The following CCSER1 variants were observed in gnomAD, a reference collection of about 807,000 sequenced individuals.
CCSER1 encodes the protein serine-rich coiled-coil domain-containing protein 1.
Under a neutral mutation model 82.0 loss-of-function variants are expected in CCSER1, and 41 were observed. The ratio of observed to expected loss-of-function variants is 0.50; its 90% CI spans 0.39 to 0.65. The LOEUF (loss-of-function observed/expected upper bound fraction) is 0.65. Among genes scored for constraint, CCSER1 ranks in the 30% least tolerant of loss-of-function variants. The pLI is 0.00. For synonymous variants in CCSER1, 414 were observed against 383.9 expected, an observed-to-expected ratio of 1.08 and a Z score of -0.92; for missense variants, 1,119 against 1,064.2, an observed-to-expected ratio of 1.05 and a Z score of -0.72.
chr4:91,109,981 A>G (rs1725956674), intron 10 of CCSER1, among the ~76,000 whole-genome samples: 1 of 152,060 alleles, frequency 6.6e-6, no homozygotes, highest in Non-Finnish European at 1.5e-5. Flanking sequence ...AGTATATTAA[A>G]CTTTTTATAT....
intron 8 of CCSER1, among the ~76,000 whole-genome samples, chr4:90,889,554 C>T (rs563212748): frequency 4.9e-4 from 74 of 152,116 alleles, no homozygotes; most frequent in African/African-American, 1.7e-3. Flanking sequence ...AGGGAAACTG[C>T]TAGAGCAAAT....
chr4:90,577,348 G>A (rs1243446130), intron 5 of CCSER1, among the ~76,000 whole-genome samples: 1 of 152,066 alleles, frequency 6.6e-6, no homozygotes, highest in African/African-American at 2.4e-5. Flanking sequence ...ATGAGTGAGT[G>A]TCCCTGGATT....
chr4:90,722,317 C>G (rs558153474), intron 6 of CCSER1, among the ~76,000 whole-genome samples: 27 of 151,918 alleles, frequency 1.8e-4, no homozygotes, highest in African/African-American at 5.8e-4. Flanking sequence ...CTGTCACTTG[C>G]TTAAATTCTT....
intron 6 of CCSER1, among the ~76,000 whole-genome samples, chr4:90,693,013 A>G (rs761576745): frequency 5.9e-5 from 9 of 151,938 alleles, no homozygotes; most frequent in Admixed American, 1.3e-4. Flanking sequence ...AGAAAGACAC[A>G]CACAGTTCCA....
At chr4:90,265,651 T>C (rs2153450846) in intron 1 of CCSER1, among the ~76,000 whole-genome samples, 1 of 152,228 alleles carries the variant, frequency 6.6e-6, no homozygotes, top group South Asian at 2.1e-4. Flanking sequence ...CGTATTGTTC[T>C]GAATGTAACG....
At chr4:91,270,079 T>A (rs1481126386) in intron 10 of CCSER1, among the ~76,000 whole-genome samples, 1 of 152,230 alleles carries the variant, frequency 6.6e-6, no homozygotes, top group Non-Finnish European at 1.5e-5. Flanking sequence ...CAGCTCCAGA[T>A]GTAGCTAAGG....
At chr4:90,978,466 T>A (rs1397451322) in intron 9 of CCSER1, among the ~76,000 whole-genome samples, 2 of 151,664 alleles carry the variant, frequency 1.3e-5, no homozygotes, top group East Asian at 3.9e-4. Context: ...AAAATGTCTA[T>A]TATTTTCTTT....
intron 10 of CCSER1, among the ~76,000 whole-genome samples, chr4:91,441,178 TTTA>T (rs1452988833): frequency 6.6e-6 from 1 of 151,952 alleles, no homozygotes; most frequent in Non-Finnish European, 1.5e-5. Flanking sequence ...AAAAGAGAGT[TTTA>T]GACCAATATC....
Position 91,598,786 on chromosome 4 carries a change from A to G in CCSER1, c.2432A>G (p.Glu811Gly), listed in dbSNP as rs1361960500. 1 of 1,551,674 alleles carries G rather than the reference A, an allele frequency of 6.4e-7. No homozygotes were observed. Among genetic ancestry groups the G allele is most frequent in the South Asian group, 1.2e-5 (1 of 84,064 alleles). The change falls in exon 11 of 11, where the codon GAA becomes GGA. Residue 811 changes from glutamate (E) to glycine (G), a missense_variant. Physicochemically the swap from Glu to Gly is moderately conservative, Grantham distance 98. Transcript: ENST00000509176. ...EVIKHSRGTYETLTSDVTQNL... is the reference protein window; with the variant it reads ...EVIKHSRGTYGTLTSDVTQNL... ...ATCAAACATTCAAGAGGAACTTATGAAACCCTCACTTCAGACGTTACACAG... is the reference window on the plus strand; with the variant it reads ...ATCAAACATTCAAGAGGAACTTATGGAACCCTCACTTCAGACGTTACACAG...
At chr4:91,394,484 C>T (rs1341842715) in intron 10 of CCSER1, among the ~76,000 whole-genome samples, 2 of 151,956 alleles carry the variant, frequency 1.3e-5, no homozygotes, top group Non-Finnish European at 1.5e-5. Flanking sequence ...ATATCATAGA[C>T]TATTAATTAG....
chr4:90,298,326 G>A (rs1221366987), intron 1 of CCSER1, among the ~76,000 whole-genome samples: 1 of 152,006 alleles, frequency 6.6e-6, no homozygotes, highest in African/African-American at 2.4e-5. Flanking sequence ...ATTTCTGTGG[G>A]ATCGGTGGTG....
chr4:90,665,611 G>A (rs374665086), intron 6 of CCSER1, among the ~76,000 whole-genome samples: 57 of 152,248 alleles, frequency 3.7e-4, no homozygotes, highest in African/African-American at 1.2e-3. Context: ...ATAAGCCAGC[G>A]CCTCCGGCCA....
chr4:91,076,008 T>A (rs1399690242), intron 9 of CCSER1, among the ~76,000 whole-genome samples: 1 of 152,174 alleles, frequency 6.6e-6, no homozygotes, highest in East Asian at 1.9e-4. Context: ...GCTCTAGTAC[T>A]CAAGAGTAAT....
chr4:90,842,252 A>T (rs1353071381), intron 8 of CCSER1, among the ~76,000 whole-genome samples: 3 of 152,196 alleles, frequency 2.0e-5, no homozygotes, highest in Admixed American at 6.5e-5. Context: ...TACATTAATA[A>T]TCTCATTAAA....
chr4:90,195,670 C>A (rs1383773999), intron 1 of CCSER1, among the ~76,000 whole-genome samples: 1 of 151,996 alleles, frequency 6.6e-6, no homozygotes, highest in Non-Finnish European at 1.5e-5. Context: ...TGGGAAATCT[C>A]TATAACTTCT....
At chr4:91,258,249 T>A (rs1245831903) in intron 10 of CCSER1, among the ~76,000 whole-genome samples, 1 of 152,138 alleles carries the variant, frequency 6.6e-6, no homozygotes, top group Non-Finnish European at 1.5e-5. Context: ...ACACAAAATT[T>A]TAATGCACTA....
chr4:91,151,504 A>C (rs1026196832), intron 10 of CCSER1, among the ~76,000 whole-genome samples: 1 of 150,790 alleles, frequency 6.6e-6, no homozygotes, highest in South Asian at 2.1e-4. Context: ...ACTATTTCTT[A>C]CCTTCTGCTC....
At position 90,858,937 on chromosome 4, in the gene CCSER1, C is replaced by T. The variant is rs556422640; in HGVS notation, c.2094+43092C>T. Among the ~76,000 whole-genome samples, 6 of 151,962 alleles carry T rather than the reference C, an allele frequency of 3.9e-5. No homozygotes were observed. The South Asian group carries it at 1.2e-3, about 31-fold the overall frequency. On this transcript the variant is annotated intron_variant, in intron 8 of 10. Coordinates refer to ENST00000509176, the MANE Select transcript of CCSER1 (RefSeq NM_001145065.2). ...GGGAGTAAAAGACAAATACATATGG[C>T]TCTTGAAAAATGACCTAGAGGTCAA...
chr4:91,447,382 C>T (rs1309702283), intron 10 of CCSER1, among the ~76,000 whole-genome samples: 1 of 57,946 alleles, frequency 1.7e-5, no homozygotes, highest in Non-Finnish European at 3.4e-5. Flanking sequence ...TATTATCTTA[C>T]ACTCCCCCCT....
Sources: gnomAD v4.1 joint callset for allele counts (sites outside exome capture counted in the v4.1 genomes callset) on GRCh38, gnomAD v4.1.1 for gene constraint, MANE v1.5 for transcripts, NCBI Gene and HGNC (gene_info 2026-07-23, HGNC 2026-07-21) for gene names.